Variants in SNRPN observed in about 807,000 individuals in gnomAD.
SNRPN encodes small nuclear ribonucleoprotein-associated protein N.
In SNRPN, 7 loss-of-function variants were observed where a neutral mutation model predicts 25.2. The observed-to-expected ratio is 0.28, with a 90% confidence interval of 0.16 to 0.52. The LOEUF is 0.52. Among genes scored for constraint, SNRPN ranks in the 20% least tolerant of loss-of-function variants. SNRPN has a pLI of 0.96. For missense variants in SNRPN, 196 were observed against 322.5 expected, an observed-to-expected ratio of 0.61 and a Z score of 3.00; for synonymous variants, 124 against 110.6, an observed-to-expected ratio of 1.12 and a Z score of -0.76.
upstream of SNRPN, chr15:24,851,652 G>A (rs1001160757): frequency 6.6e-6 from 1 of 152,296 alleles, no homozygotes; most frequent in Admixed American, 6.5e-5. Flanking sequence ...GAATGCATTT[G>A]TTGTGCTGGT....
At chr15:24,853,595 G>A (rs945994861), upstream of SNRPN, among the ~76,000 whole-genome samples, 2 of 152,006 alleles carry the variant, frequency 1.3e-5, no homozygotes, top group African/African-American at 4.8e-5. Context: ...GGGTTTCACC[G>A]TGTTAGCCAG....
upstream of SNRPN, chr15:24,954,897 A>G (rs1283361584): frequency 7.0e-6 from 8 of 1,143,768 alleles, no homozygotes; most frequent in Non-Finnish European, 1.0e-5. Flanking sequence ...TGCGGCAAAC[A>G]AGCACGCCTG....
At chr15:24,842,846 A>G (rs1171263033) in intron 2 of SNRPN, among the ~76,000 whole-genome samples, 2 of 152,190 alleles carry the variant, frequency 1.3e-5, no homozygotes. Flanking sequence ...TTGCATTTTC[A>G]CCCCAAAAGT....
intron 2 of SNRPN, 50 bp downstream of exon 2, chr15:24,962,259 G>T (rs1445080995): frequency 2.7e-6 from 4 of 1,455,346 alleles, no homozygotes; most frequent in African/African-American, 2.8e-5. Flanking sequence ...TCTCCTTTCA[G>T]ATTAGAACAA....
rs555738866 is a variant in SNRPN at position 24,964,466 on chromosome 15, A to AT, written c.-295+2264dup. 3.4e-3 allele frequency among the ~76,000 whole-genome samples: 511 copies of AT among 151,890 alleles called. 4 individuals are homozygous for AT. Among genetic ancestry groups the AT allele is most frequent in the African/African-American group, 0.012 (482 of 41,412 alleles). On this transcript the variant is annotated intron_variant, in intron 2 of 9. Transcript: ENST00000390687. ...TGCCACCATGCCTGGCTAATTTTGT[A>AT]TTTTTTTAGTAGAGACAGGGTTTCT... is the stretch of plus-strand genomic sequence containing the variant.
chr15:24,940,664 T>C (rs2061495779), intron 3 of SNRPN, among the ~76,000 whole-genome samples: 1 of 152,162 alleles, frequency 6.6e-6, no homozygotes, highest in Non-Finnish European at 1.5e-5. Flanking sequence ...TTGTTAATCA[T>C]CCTATTCTGA....
At chr15:24,831,107 G>C (rs1044844315) in intron 2 of SNRPN, among the ~76,000 whole-genome samples, 1 of 151,912 alleles carries the variant, frequency 6.6e-6, no homozygotes, top group African/African-American at 2.4e-5. Flanking sequence ...CTGATGCCCT[G>C]TTGCTCTGTT....
At chr15:24,962,641 G>A (rs1014664952) in intron 2 of SNRPN, among the ~76,000 whole-genome samples, 20 of 151,998 alleles carry the variant, frequency 1.3e-4, no homozygotes, top group Admixed American at 6.6e-5. Context: ...ATACATTTGT[G>A]TTTTTTATCC....
intron 2 of SNRPN, among the ~76,000 whole-genome samples, chr15:24,892,379 A>G (rs773882164): frequency 5.9e-5 from 9 of 152,096 alleles, no homozygotes; most frequent in Non-Finnish European, 1.2e-4. Context: ...TGAAAGTGGC[A>G]AGAGTAGGAA....
intron 3 of SNRPN, among the ~76,000 whole-genome samples, chr15:24,930,649 C>G (rs1447425230): frequency 6.7e-6 from 1 of 148,300 alleles, no homozygotes; most frequent in Non-Finnish European, 1.5e-5. Flanking sequence ...CCCAGTAAAT[C>G]CCAGTACTTT....
At chr15:24,948,781 A>C (rs1470468039) in intron 3 of SNRPN, among the ~76,000 whole-genome samples, 2 of 151,954 alleles carry the variant, frequency 1.3e-5, no homozygotes, top group Non-Finnish European at 2.9e-5. Flanking sequence ...ACATAGTATA[A>C]AATTTACCCT....
chr15:24,862,613 TAGAC>T lies in SNRPN; in HGVS notation c.-579+5899_-579+5902del, dbSNP rs1408591522. The stretch of plus-strand genomic sequence containing the variant: ...GTGTGGGGCTCACAGGGGAACAACA[TAGAC>T]AAAGTTTCCAAATTCTCAGGTGTTT... On this transcript the variant is annotated intron_variant, in intron 1 of 11. Coordinates refer to the SNRPN transcript ENST00000400097. 5.3e-5 allele frequency among the ~76,000 whole-genome samples: 8 copies of T among 151,110 alleles called. 1 individual carries two copies. Among genetic ancestry groups the T allele is most frequent in the African/African-American group, 2.0e-4 (8 of 40,528 alleles).
In SNRPN at chr15:24,958,584, C is replaced by T. The variant is rs554712875; in HGVS notation, c.-391+3522C>T. The stretch of plus-strand genomic sequence containing the variant: ...TCGAACTGCTAGACTCAAGCTATAT[C>T]CTCTCCCTCCTCAGTCTCTCTCTGG... On this transcript the variant is annotated intron_variant, in intron 1 of 9. Transcript: ENST00000390687. 6.2e-5 allele frequency among the ~76,000 whole-genome samples: 9 copies of T among 144,380 alleles called. No individual in the cohort carries two copies. In the South Asian group the frequency reaches 1.6e-3, roughly 26 times the overall value. The allele number at this position is 144,380 out of a possible 152,430, so 94.7% of individuals were successfully genotyped here. A position where few individuals can be genotyped will look rare whatever the true frequency, so the allele number is the denominator to read the frequency against.
chr15:24,844,241 T>C (rs1191612332), intron 2 of SNRPN, among the ~76,000 whole-genome samples: 1 of 152,078 alleles, frequency 6.6e-6, no homozygotes, highest in East Asian at 1.9e-4. Context: ...CACCTTACTG[T>C]GGTTTCAATA....
intron 6 of SNRPN, 25 bp downstream of exon 6, chr15:24,976,441 G>T: frequency 6.8e-7 from 1 of 1,480,564 alleles, no homozygotes; most frequent in South Asian, 1.2e-5. Context: ...GGGCAGGACA[G>T]AACTTTAATT....
chr15:24,927,579 C>G (rs2060504559), intron 3 of SNRPN, among the ~76,000 whole-genome samples: 1 of 141,758 alleles, frequency 7.1e-6, no homozygotes, highest in African/African-American at 2.6e-5. Flanking sequence ...TTCCTGAGAA[C>G]CGGGATATAC....
At chr15:24,878,849 T>G (rs1037842045) in intron 1 of SNRPN, among the ~76,000 whole-genome samples, 1 of 152,146 alleles carries the variant, frequency 6.6e-6, no homozygotes, top group Non-Finnish European at 1.5e-5. Context: ...TGTATTGTCC[T>G]TAAGATTCTT....
At position 24,866,541 on chromosome 15, in the gene SNRPN, G is replaced by A. The variant is rs144332239; in HGVS notation, c.-579+9825G>A. On this transcript the variant is annotated intron_variant, in intron 1 of 11. Coordinates refer to the SNRPN transcript ENST00000400097. ...GCTTCCTGAGTAGCTGGGACTACAG[G>A]TGCACACCACCATGCCCAGCTAATC... is the stretch of plus-strand genomic sequence containing the variant. Among the ~76,000 whole-genome samples, 344 of 152,196 alleles carry A rather than the reference G, an allele frequency of 2.3e-3. 2 individuals carry two copies. The highest frequency in any genetic ancestry group is 4.4e-3 in the South Asian group (21 of 4,816).
Position 24,910,587 on chromosome 15 carries a change from C to T in SNRPN, c.-504-9424C>T, listed in dbSNP as rs570333462. Among the ~76,000 whole-genome samples, 181 of 152,172 alleles carry T rather than the reference C, an allele frequency of 1.2e-3. 2 individuals are homozygous for T. Among genetic ancestry groups the T allele is most frequent in the Admixed American group, 0.011 (170 of 15,278 alleles). On this transcript the variant is annotated intron_variant, in intron 2 of 11. Coordinates refer to the SNRPN transcript ENST00000400097. ...GCTCACTGCAACCTCTGCCTCCTCC[C>T]GGGTTCAAGTGATTCTCCTGACTCA...
Sources: gnomAD v4.1 joint callset for allele counts (sites outside exome capture counted in the v4.1 genomes callset) on GRCh38, gnomAD v4.1.1 for gene constraint, MANE v1.5 for transcripts, NCBI Gene and HGNC (gene_info 2026-07-23, HGNC 2026-07-21) for gene names.